Variants in SHISA8 observed in about 807,000 individuals in gnomAD.
The protein encoded by SHISA8 is protein shisa-8.
SHISA8 carries 21 observed loss-of-function variants against 21.1 expected under a neutral mutation model. That is an observed-to-expected ratio of 0.99 (90% CI 0.71 to 1.43). The LOEUF (loss-of-function observed/expected upper bound fraction) is 1.43, where lower values mean the gene tolerates loss of function less well. Among genes scored for constraint, SHISA8 ranks in the 40% most tolerant of loss-of-function variants. The pLI, the probability that SHISA8 is intolerant of heterozygous loss-of-function variation, is 0.00. For missense variants in SHISA8, 535 were observed against 599.1 expected (o/e 0.89, Z 1.12); for synonymous variants, 300 against 291.4 (o/e 1.03, Z -0.30).
At position 41,910,059 on chromosome 22, in the gene SHISA8, C is replaced by G; in HGVS notation, c.900G>C (p.Pro300=). 8.0e-7 allele frequency: 1 copy of G among 1,243,296 alleles called. No homozygotes were observed. Among genetic ancestry groups the G allele is most frequent in the Non-Finnish European group, 1.0e-6 (1 of 997,160 alleles). The allele number at this position is 1,243,296 out of a possible 1,614,324, so 77.0% of individuals were successfully genotyped here. ...QPPARAPRPS[P]DLPAPLDACP... is the part of the protein sequence containing the mutation. ...AGGCGTCCAGCGGCGCAGGCAAGTC[C>G]GGGGATGGTCGCGGAGCCCGCGCCG... Residue 300 remains proline, a synonymous_variant, in exon 4 of 4, where the codon CCG becomes CCC. Transcript: ENST00000621082. The surrounding 1 kb of genome is among the most constrained non-coding windows in gnomAD (Gnocchi z 6.8).
rs1181198470 is a variant in SHISA8, at chr22:41,914,433, C to T, written c.235G>A (p.Gly79Arg). 3.0e-6 allele frequency: 4 copies of T among 1,354,624 alleles called. No homozygotes were observed. Among genetic ancestry groups the T allele is most frequent in the African/African-American group, 3.0e-5 (2 of 65,952 alleles). The allele number at this position is 1,354,624 out of a possible 1,614,324, so 83.9% of individuals were successfully genotyped here. The change falls in exon 1 of 4, where the codon GGA (glycine) becomes AGA (arginine). Residue 79 changes from glycine (G) to arginine (R), a missense_variant. Physicochemically the swap from Gly to Arg is moderately radical, Grantham distance 125. Coordinates refer to ENST00000621082, the MANE Select transcript of SHISA8 (RefSeq NM_001207020.3). This position sits in a 1 kb window ranked among gnomAD's most constrained non-coding sequence, Gnocchi z 6.8. ...GTGCCGCAGCAGAAGCTGTAGGCTC[C>T]GGAGCTGCAGTTGAAGGGCGGGTCC... ...QWDPPFNCSS[G>R]AYSFCCGTCG...
At chr22:41,912,645 G>T (rs192575459) in intron 1 of SHISA8, among the ~76,000 whole-genome samples, 8 of 152,142 alleles carry the variant, frequency 5.3e-5, no homozygotes, top group Non-Finnish European at 8.8e-5. Context: ...AGAATGAAGG[G>T]TGAGACTCGA....
Position 41,910,294 on chromosome 22 carries a change from G to C in SHISA8, c.811+114C>G, listed in dbSNP as rs1232065487. 1 of 1,233,852 alleles carries C rather than the reference G, an allele frequency of 8.1e-7. No individual in the cohort carries two copies. Among genetic ancestry groups the C allele is most frequent in the Non-Finnish European group, 1.0e-6 (1 of 987,206 alleles). 76.4% of individuals were successfully genotyped at this position (1,233,852 alleles called of 1,614,324 possible). A position where few individuals can be genotyped will look rare whatever the true frequency, so the allele number is the denominator to read the frequency against. Reference sequence around the variant, plus strand: ...GCTGGGGCGAGGGAGCCGATTGGCCGAGCGGCGGGCGCGCGGAACTGGGAA... The same window carrying C: ...GCTGGGGCGAGGGAGCCGATTGGCCCAGCGGCGGGCGCGCGGAACTGGGAA... On this transcript the variant is annotated intron_variant, in intron 3 of 3. Coordinates refer to ENST00000621082, the MANE Select transcript of SHISA8 (RefSeq NM_001207020.3). This position sits in a 1 kb window ranked among gnomAD's most constrained non-coding sequence, Gnocchi z 6.8.
Position 41,910,048 on chromosome 22 carries a change from G to T in SHISA8, c.911C>A (p.Ala304Glu), listed in dbSNP as rs1275510363. Reference sequence around the variant, plus strand: ...GGCCCAGGGGCAGGCGTCCAGCGGCGCAGGCAAGTCCGGGGATGGTCGCGG... The same window carrying T: ...GGCCCAGGGGCAGGCGTCCAGCGGCTCAGGCAAGTCCGGGGATGGTCGCGG... ...RAPRPSPDLP[A>E]PLDACPWAPP... Residue 304 changes from alanine to glutamate, a missense_variant, in exon 4 of 4, where the codon GCG (alanine) becomes GAG (glutamate). By Grantham distance (107) the Ala-to-Glu change is moderately radical. Transcript: ENST00000621082. The surrounding 1 kb of genome is among the most constrained non-coding windows in gnomAD (Gnocchi z 6.8). 4.0e-6 allele frequency: 5 copies of T among 1,255,436 alleles called. No individual in the cohort carries two copies. Among genetic ancestry groups the T allele is most frequent in the East Asian group, 6.4e-5 (2 of 31,326 alleles). 77.8% of individuals were successfully genotyped at this position (1,255,436 alleles called of 1,614,324 possible).
In SHISA8 at chr22:41,909,562, G is replaced by A; in HGVS notation, c.*203C>T. On this transcript the variant is annotated 3_prime_UTR_variant, in exon 4 of 4. Transcript: ENST00000621082. Reference sequence around the variant, plus strand: ...CAATGGTGCCTCGCAGCCACGCTGGGGCTTCTTTATTCTCAGGGGCAGGAA... The same window carrying A: ...CAATGGTGCCTCGCAGCCACGCTGGAGCTTCTTTATTCTCAGGGGCAGGAA... 1 of 605,994 alleles carries A rather than the reference G, an allele frequency of 1.7e-6. No homozygotes were observed. The highest frequency in any genetic ancestry group is 2.5e-6 in the Non-Finnish European group (1 of 407,904). 37.5% of individuals were successfully genotyped at this position (605,994 alleles called of 1,614,324 possible). A position where few individuals can be genotyped will look rare whatever the true frequency, so the allele number is the denominator to read the frequency against.
In SHISA8 at chr22:41,914,030, G is replaced by T; in HGVS notation, c.530+108C>A. The T allele has an allele frequency of 8.3e-7, 1 of 1,206,906 alleles. No homozygotes were observed. The highest frequency in any genetic ancestry group is 1.1e-6 in the Non-Finnish European group (1 of 945,222). 74.8% of individuals were successfully genotyped at this position (1,206,906 alleles called of 1,614,324 possible). On this transcript the variant is annotated intron_variant, in intron 1 of 3. Coordinates refer to ENST00000621082, the MANE Select transcript of SHISA8 (RefSeq NM_001207020.3). The surrounding 1 kb of genome is among the most constrained non-coding windows in gnomAD (Gnocchi z 6.8). ...GGAGAAGGAGACAGGAAAACCCAGAGAAGGGGCCTGCTGGGAGAACCAGCG... is the reference window on the plus strand; with the variant it reads ...GGAGAAGGAGACAGGAAAACCCAGATAAGGGGCCTGCTGGGAGAACCAGCG...
In SHISA8 at chr22:41,909,660, G is replaced by A. The variant is rs974065497; in HGVS notation, c.*105C>T. ...CCAAGACACCACTGCCGTTGAGGCA[G>A]ACAGAAGAGCTGGCCTTACGGCAGG... On this transcript the variant is annotated 3_prime_UTR_variant, in exon 4 of 4. Coordinates refer to ENST00000621082, the MANE Select transcript of SHISA8 (RefSeq NM_001207020.3). 7.6e-7 allele frequency: 1 copy of A among 1,322,838 alleles called. No individual in the cohort carries two copies. Among genetic ancestry groups the A allele is most frequent in the African/African-American group, 1.5e-5 (1 of 65,072 alleles). The allele number at this position is 1,322,838 out of a possible 1,614,324, so 81.9% of individuals were successfully genotyped here. A position where few individuals can be genotyped will look rare whatever the true frequency, so the allele number is the denominator to read the frequency against.
In SHISA8 at chr22:41,909,571, A is replaced by C; in HGVS notation, c.*194T>G. 3.0e-6 allele frequency: 2 copies of C among 660,370 alleles called. No homozygotes were observed. Among genetic ancestry groups the C allele is most frequent in the Non-Finnish European group, 4.4e-6 (2 of 456,852 alleles). 40.9% of individuals were successfully genotyped at this position (660,370 alleles called of 1,614,324 possible). On this transcript the variant is annotated 3_prime_UTR_variant, in exon 4 of 4. Transcript: ENST00000621082. Reference sequence around the variant, plus strand: ...CTCGCAGCCACGCTGGGGCTTCTTTATTCTCAGGGGCAGGAACCACATAAA... The same window carrying C: ...CTCGCAGCCACGCTGGGGCTTCTTTCTTCTCAGGGGCAGGAACCACATAAA...
In SHISA8 at chr22:41,914,592, G is replaced by A. The variant is rs2077574437; in HGVS notation, c.76C>T (p.Leu26Phe). The part of the protein sequence containing the change: ...PGLRLALALR[L>F]ALLLARPPSG... ...GGCGGCCGCGCCAGCAGCAACGCGA[G>A]CCGAAGCGCGAGCGCGAGCCGGAGG... Residue 26 changes from leucine (L) to phenylalanine (F), a missense_variant, in exon 1 of 4, where the codon CTC becomes TTC. Coordinates refer to ENST00000621082, the MANE Select transcript of SHISA8 (RefSeq NM_001207020.3). This position sits in a 1 kb window ranked among gnomAD's most constrained non-coding sequence, Gnocchi z 6.8. The A allele has an allele frequency of 2.0e-5, 22 of 1,121,830 alleles. No individual in the cohort carries two copies. The highest frequency in any genetic ancestry group is 2.3e-5 in the Non-Finnish European group (21 of 919,790). 69.5% of individuals were successfully genotyped at this position (1,121,830 alleles called of 1,614,324 possible). A position where few individuals can be genotyped will look rare whatever the true frequency, so the allele number is the denominator to read the frequency against.
intron 1 of SHISA8, among the ~76,000 whole-genome samples, chr22:41,911,656 G>C (rs1022554013): frequency 6.6e-6 from 1 of 151,962 alleles, no homozygotes; most frequent in Non-Finnish European, 1.5e-5. Context: ...CTCCCAATGC[G>C]AGCTTTCTCT....
At chr22:41,911,108 C>G in intron 2 of SHISA8, 108 bp downstream of exon 2, 6 of 1,215,760 alleles carry the variant, frequency 4.9e-6, no homozygotes, top group Non-Finnish European at 6.2e-6. Flanking sequence ...GGCCGCGGCT[C>G]ATTTCCACCG....
intron 1 of SHISA8, among the ~76,000 whole-genome samples, chr22:41,912,281 C>T (rs1253991868): frequency 1.3e-5 from 2 of 152,212 alleles, no homozygotes; most frequent in Non-Finnish European, 2.9e-5. Context: ...CTTCAGAACC[C>T]GGAACCCATG....
chr22:41,911,407 C>T lies in SHISA8; in HGVS notation c.531-58G>A, dbSNP rs1293772582. On this transcript the variant is annotated intron_variant, in intron 1 of 3. Transcript: ENST00000621082. ...TCTCCCACCTCATCAAAAGCCAGCC[C>T]CGGCCACCACCGTCTCACCGTGTGG... 1.9e-5 allele frequency: 23 copies of T among 1,234,310 alleles called. 1 individual carries two copies. In the South Asian group the frequency reaches 8.1e-4, roughly 43 times the overall value. 76.5% of individuals were successfully genotyped at this position (1,234,310 alleles called of 1,614,324 possible). A position where few individuals can be genotyped will look rare whatever the true frequency, so the allele number is the denominator to read the frequency against.
At chr22:41,913,408 G>A (rs117933749) in intron 1 of SHISA8, among the ~76,000 whole-genome samples, 1,627 of 152,346 alleles carry the variant, frequency 0.011, 19 homozygotes, top group Admixed American at 0.032. Context: ...TGGCATGTGG[G>A]TGGGAGTTCC....
chr22:41,911,470 T>G, intron 1 of SHISA8, 121 bp from the exon 2 acceptor site: 1 of 1,100,122 alleles, frequency 9.1e-7, no homozygotes, highest in African/African-American at 1.6e-5. Context: ...GGCCGTCCTC[T>G]CCGGTGCTCG....
intron 1 of SHISA8, 21 bp from the exon 2 acceptor site, chr22:41,911,370 G>A: frequency 8.1e-7 from 1 of 1,237,152 alleles, no homozygotes; most frequent in Non-Finnish European, 1.0e-6. Context: ...AGCAGTCAGG[G>A]GTGGCCCTCT....
rs1327062308 is a variant in SHISA8, at chr22:41,914,085, C to T, written c.530+53G>A. 8 of 1,326,238 alleles carry T rather than the reference C, an allele frequency of 6.0e-6. No homozygotes were observed. Among genetic ancestry groups the T allele is most frequent in the South Asian group, 1.9e-5 (1 of 53,768 alleles). 82.2% of individuals were successfully genotyped at this position (1,326,238 alleles called of 1,614,324 possible). A position where few individuals can be genotyped will look rare whatever the true frequency, so the allele number is the denominator to read the frequency against. ...GAGAGCGGCGGGAAGGATCAGCGGG[C>T]AGGGAGAGCAGTCCGAGGAGCAGGC... On this transcript the variant is annotated intron_variant, in intron 1 of 3. Transcript: ENST00000621082. The surrounding 1 kb of genome is among the most constrained non-coding windows in gnomAD (Gnocchi z 6.8).
chr22:41,910,288 T>C lies in SHISA8; in HGVS notation c.811+120A>G, dbSNP rs865983095. ...GGGCCCGCTGGGGCGAGGGAGCCGA[T>C]TGGCCGAGCGGCGGGCGCGCGGAAC... On this transcript the variant is annotated intron_variant, in intron 3 of 3. Transcript: ENST00000621082. The surrounding 1 kb of genome is among the most constrained non-coding windows in gnomAD (Gnocchi z 6.8). 9.7e-4 allele frequency: 1,192 copies of C among 1,230,600 alleles called. 5 individuals carry two copies. In the Middle Eastern group the frequency reaches 0.017, roughly 17 times the overall value. 76.2% of individuals were successfully genotyped at this position (1,230,600 alleles called of 1,614,324 possible).
chr22:41,914,257 G>A lies in SHISA8; in HGVS notation c.411C>T (p.Arg137=), dbSNP rs2077570453. 7.6e-7 allele frequency: 1 copy of A among 1,319,046 alleles called. No individual in the cohort carries two copies. The highest frequency in any genetic ancestry group is 9.6e-7 in the Non-Finnish European group (1 of 1,040,576). The allele number at this position is 1,319,046 out of a possible 1,614,324, so 81.7% of individuals were successfully genotyped here. ...ACACAGCGTAGACGGCCGTATGGCT[G>A]CGCTCGCGGCCGGGGTCCCGGGGCG... ...TAAPRDPGRE[R]SHTAVYAVCG... Residue 137 remains arginine (R), a synonymous_variant, in exon 1 of 4, where the codon CGC becomes CGT. Coordinates refer to ENST00000621082, the MANE Select transcript of SHISA8 (RefSeq NM_001207020.3). This position sits in a 1 kb window ranked among gnomAD's most constrained non-coding sequence, Gnocchi z 6.8.
Sources: allele counts gnomAD v4.1 joint callset (sites outside exome capture counted in the v4.1 genomes callset), GRCh38; gene constraint gnomAD v4.1.1; non-coding constraint Gnocchi (gnomAD v3.1); transcripts MANE v1.5; gene names NCBI Gene and HGNC (gene_info 2026-07-23, HGNC 2026-07-21).